The following NOX4 variants were observed in gnomAD, a reference collection of about 807,000 sequenced individuals.
The protein encoded by NOX4 is NADPH oxidase 4, also known as kidney oxidase-1.
NOX4 carries 69 observed loss-of-function variants against 87.6 expected under a neutral mutation model. The observed-to-expected ratio is 0.79, with a 90% CI of 0.65 to 0.96. The LOEUF (loss-of-function observed/expected upper bound fraction) is 0.96, where lower values mean the gene tolerates loss of function less well. Among genes scored for constraint, NOX4 ranks in the 40% least tolerant of loss-of-function variants. The pLI, the probability that NOX4 is intolerant of heterozygous loss-of-function variation, is 0.00. For synonymous variants in NOX4, 275 were observed against 238.2 expected, an observed-to-expected ratio of 1.15 and a Z score of -1.42; for missense variants, 680 against 681.5, an observed-to-expected ratio of 1.00 and a Z score of 0.02.
intron 13 of NOX4, among the ~76,000 whole-genome samples, chr11:89,348,102 C>A (rs1031444922): frequency 6.6e-6 from 1 of 152,068 alleles, no homozygotes; most frequent in Admixed American, 6.6e-5. Context: ...AAAGACCAGG[C>A]CTGTGATAAC....
At position 89,411,217 on chromosome 11, in the gene NOX4, C is replaced by G. The variant is rs560176580; in HGVS notation, c.630-8675G>C. ...GAGCCATTGGCCCTTGAATAACCAG[C>G]AGTGGTACCCACGCAGTACTCGCCA... On this transcript the variant is annotated intron_variant, in intron 8 of 17. Transcript: ENST00000263317. 2.0e-5 allele frequency among the ~76,000 whole-genome samples: 3 copies of G among 152,272 alleles called. No homozygotes were observed. The South Asian group carries it at 6.2e-4, about 32-fold the overall frequency.
chr11:89,397,436 A>T (rs1031105531), intron 11 of NOX4, among the ~76,000 whole-genome samples: 3 of 152,136 alleles, frequency 2.0e-5, no homozygotes, highest in African/African-American at 7.2e-5. Context: ...AACGAATACA[A>T]AAGCTAGCAG....
At chr11:89,441,573 A>T (rs1565297918) in intron 5 of NOX4, among the ~76,000 whole-genome samples, 2 of 152,164 alleles carry the variant, frequency 1.3e-5, no homozygotes. Context: ...GCTTAATTCA[A>T]TTGACTTCTA....
chr11:89,372,549 T>A (rs1415450864), intron 12 of NOX4, among the ~76,000 whole-genome samples: 1 of 151,974 alleles, frequency 6.6e-6, no homozygotes, highest in Non-Finnish European at 1.5e-5. Context: ...ACACTGTGAC[T>A]TTCACTTAAA....
chr11:89,352,633 C>G (rs521765), intron 13 of NOX4, among the ~76,000 whole-genome samples: 49,543 of 152,016 alleles, frequency 0.33, 12,516 homozygotes, highest in African/African-American at 0.7. Context: ...AACTTTCAGG[C>G]GTCCATGACT....
chr11:89,493,726 T>TATC (rs1188866054), upstream of NOX4, among the ~76,000 whole-genome samples: 1 of 106,326 alleles, frequency 9.4e-6, no homozygotes. Context: ...ATTGTTTTAT[T>TATC]ATTATTATTA....
the NOX4 span, among the ~76,000 whole-genome samples, chr11:89,553,622 A>T: frequency 6.6e-6 from 1 of 152,178 alleles, no homozygotes; most frequent in African/African-American, 2.4e-5. Context: ...AGACAAAAAA[A>T]AATTCATTAT....
intron 11 of NOX4, among the ~76,000 whole-genome samples, chr11:89,393,256 C>G (rs114981096): frequency 0.034 from 5,220 of 152,144 alleles, 174 homozygotes; most frequent in East Asian, 0.13. Flanking sequence ...GAAGAATTGT[C>G]TGATCCAATA....
At chr11:89,423,046 C>T (rs751656720) in intron 7 of NOX4, among the ~76,000 whole-genome samples, 1 of 152,034 alleles carries the variant, frequency 6.6e-6, no homozygotes, top group Non-Finnish European at 1.5e-5. Context: ...GATCCACCTG[C>T]GTCAGTCTCC....
chr11:89,570,013 A>G, the NOX4 span, among the ~76,000 whole-genome samples: 1 of 152,002 alleles, frequency 6.6e-6, no homozygotes, highest in Non-Finnish European at 1.5e-5. Flanking sequence ...AAAAAAAAAA[A>G]AAAAGAAAAA....
At chr11:89,446,843 T>C (rs569467475) in intron 4 of NOX4, among the ~76,000 whole-genome samples, 184 of 152,272 alleles carry the variant, frequency 1.2e-3, no homozygotes, top group Non-Finnish European at 2.2e-3. Context: ...TAGCATCAAG[T>C]GTGAACCCTG....
chr11:89,457,041 C>T (rs1302323214), intron 2 of NOX4, among the ~76,000 whole-genome samples: 2 of 152,124 alleles, frequency 1.3e-5, no homozygotes, highest in Non-Finnish European at 2.9e-5. Context: ...CAGGGGTTAT[C>T]ATCATAGCTC....
intron 2 of NOX4, among the ~76,000 whole-genome samples, chr11:89,485,659 G>A (rs1946561992): frequency 6.6e-6 from 1 of 152,088 alleles, no homozygotes; most frequent in African/African-American, 2.4e-5. Flanking sequence ...TTTCTATAAA[G>A]TTCAGGCAAC....
At chr11:89,576,173 G>A in the NOX4 span, among the ~76,000 whole-genome samples, 1 of 152,182 alleles carries the variant, frequency 6.6e-6, no homozygotes, top group African/African-American at 2.4e-5. Context: ...AAAACTGCTT[G>A]TAGTCAACTT....
intron 11 of NOX4, among the ~76,000 whole-genome samples, chr11:89,375,612 C>T (rs1225407487): frequency 1.3e-5 from 2 of 152,142 alleles, no homozygotes; most frequent in Non-Finnish European, 2.9e-5. Flanking sequence ...CCAGCCCACA[C>T]TGTGATTTTT....
chr11:89,459,840 C>G (rs1176196618), intron 2 of NOX4, among the ~76,000 whole-genome samples: 1 of 152,094 alleles, frequency 6.6e-6, no homozygotes, highest in Non-Finnish European at 1.5e-5. Context: ...CAAAAAAGAG[C>G]CCACAATTCC....
intron 13 of NOX4, among the ~76,000 whole-genome samples, chr11:89,347,226 T>C (rs1946253107): frequency 6.6e-6 from 1 of 152,184 alleles, no homozygotes; most frequent in African/African-American, 2.4e-5. Context: ...GGCTCCTTCC[T>C]GACTAATCTA....
intron 7 of NOX4, among the ~76,000 whole-genome samples, chr11:89,429,858 GC>G (rs1943680246): frequency 6.6e-6 from 1 of 152,128 alleles, no homozygotes; most frequent in African/African-American, 2.4e-5. Flanking sequence ...ATTTTATAAG[GC>G]CAGCATCATC....
At chr11:89,365,122 G>C (rs1157421706) in intron 12 of NOX4, among the ~76,000 whole-genome samples, 1 of 151,990 alleles carries the variant, frequency 6.6e-6, no homozygotes, top group Non-Finnish European at 1.5e-5. Flanking sequence ...TATGCCATCT[G>C]CATGCCTCAA....
Sources: allele counts gnomAD v4.1 joint callset (sites outside exome capture counted in the v4.1 genomes callset), GRCh38; gene constraint gnomAD v4.1.1; transcripts MANE v1.5; gene names NCBI Gene and HGNC (gene_info 2026-07-23, HGNC 2026-07-21).